Variants in TBC1D5 observed in about 807,000 individuals in gnomAD.
The protein encoded by TBC1D5 is TBC1 domain family, member 5.
A neutral mutation model predicts 100.3 loss-of-function variants in TBC1D5; 75 were observed. That is an observed-to-expected ratio of 0.75 (90% confidence interval 0.62 to 0.91). TBC1D5 has a LOEUF of 0.91. Ranked by LOEUF, TBC1D5 falls within the 40% of genes least tolerant of loss-of-function variation. TBC1D5 has a pLI of 0.00. For missense variants in TBC1D5, 910 were observed against 942.4 expected (o/e 0.97, Z 0.45); for synonymous variants, 323 against 325.6 (o/e 0.99, Z 0.09).
chr3:17,284,746 T>A (rs565275450), intron 15 of TBC1D5, among the ~76,000 whole-genome samples: 1 of 152,332 alleles, frequency 6.6e-6, no homozygotes, highest in East Asian at 1.9e-4. Context: ...TATTATTCCT[T>A]ACAAATCTTT....
At chr3:17,464,854 GT>G (rs1353223543) in intron 3 of TBC1D5, among the ~76,000 whole-genome samples, 1 of 149,162 alleles carries the variant, frequency 6.7e-6, no homozygotes, top group Non-Finnish European at 1.5e-5. Flanking sequence ...ATTTCAAAAA[GT>G]TTTTTTCAAG....
At chr3:17,407,914 C>T (rs536229549) in intron 4 of TBC1D5, among the ~76,000 whole-genome samples, 1 of 152,222 alleles carries the variant, frequency 6.6e-6, no homozygotes, top group Admixed American at 6.6e-5. Flanking sequence ...TTTAAAAAAT[C>T]TGGCTTTACT....
At chr3:17,652,172 C>G (rs1273148047) in intron 1 of TBC1D5, among the ~76,000 whole-genome samples, 4 of 152,074 alleles carry the variant, frequency 2.6e-5, no homozygotes, top group Non-Finnish European at 4.4e-5. Context: ...TTAAGAACAG[C>G]CTTTATAGAC....
intron 18 of TBC1D5, among the ~76,000 whole-genome samples, chr3:17,212,797 A>G (rs1400773103): frequency 3.9e-5 from 6 of 152,144 alleles, no homozygotes; most frequent in African/African-American, 1.4e-4. Flanking sequence ...ATTTTTGTAC[A>G]TCTATCAAAT....
chr3:17,719,737 T>C (rs748300333), intron 1 of TBC1D5, among the ~76,000 whole-genome samples: 44 of 152,212 alleles, frequency 2.9e-4, no homozygotes, highest in Non-Finnish European at 3.4e-4. Context: ...AAACTTAACC[T>C]ATAATTTTTC....
At chr3:17,172,902 A>AG (rs2067308849) in intron 19 of TBC1D5, among the ~76,000 whole-genome samples, 1 of 152,232 alleles carries the variant, frequency 6.6e-6, no homozygotes, top group African/African-American at 2.4e-5. Flanking sequence ...AGGGGACAAA[A>AG]GCAGAACATC....
chr3:17,290,071 C>A (rs989395665), intron 15 of TBC1D5, among the ~76,000 whole-genome samples: 1 of 152,110 alleles, frequency 6.6e-6, no homozygotes, highest in African/African-American at 2.4e-5. Flanking sequence ...AAATATGACT[C>A]CCTCATCATG....
chr3:17,507,428 T>C (rs1240836406), intron 3 of TBC1D5, among the ~76,000 whole-genome samples: 1 of 152,148 alleles, frequency 6.6e-6, no homozygotes, highest in Non-Finnish European at 1.5e-5. Flanking sequence ...AACAATGGCA[T>C]TTGTATGTAG....
At chr3:17,463,574 TA>T (rs2095251204) in intron 3 of TBC1D5, among the ~76,000 whole-genome samples, 1 of 152,178 alleles carries the variant, frequency 6.6e-6, no homozygotes, top group Non-Finnish European at 1.5e-5. Flanking sequence ...GTAATTAACA[TA>T]AAAATACTTA....
chr3:17,664,536 C>G (rs1405597498), intron 1 of TBC1D5, among the ~76,000 whole-genome samples: 1 of 152,112 alleles, frequency 6.6e-6, no homozygotes, highest in African/African-American at 2.4e-5. Context: ...GGTATGGATA[C>G]AAATTCTTTT....
chr3:17,735,355 C>T (rs2076882790), intron 1 of TBC1D5, among the ~76,000 whole-genome samples: 3 of 152,066 alleles, frequency 2.0e-5, no homozygotes, highest in Non-Finnish European at 4.4e-5. Flanking sequence ...TGAGTAATAT[C>T]GTATTAGGTG....
In TBC1D5 at chr3:17,476,471, T is replaced by C. The variant is rs564623826; in HGVS notation, c.97+32003A>G. Among the ~76,000 whole-genome samples the C allele has an allele frequency of 6.6e-4, 100 of 152,144 alleles. 1 individual carries two copies. In the South Asian group the frequency reaches 0.021, roughly 31 times the overall value. On this transcript the variant is annotated intron_variant, in intron 3 of 21. Coordinates refer to ENST00000253692, the Ensembl canonical transcript of TBC1D5. ...TTTCATGTAAGTTTGAGTCTATCTG[T>C]CTATCTGTTCTTCCCACTAGTCTAT...
chr3:17,398,485 A>T (rs566966318), intron 8 of TBC1D5, among the ~76,000 whole-genome samples: 9 of 152,254 alleles, frequency 5.9e-5, no homozygotes, highest in Non-Finnish European at 1.3e-4. Flanking sequence ...TTATTTTTTG[A>T]AGTGTGCTTA....
At chr3:17,547,668 A>G (rs2096431984) in intron 2 of TBC1D5, among the ~76,000 whole-genome samples, 1 of 152,224 alleles carries the variant, frequency 6.6e-6, no homozygotes, top group Admixed American at 6.5e-5. Context: ...TGAAAAATCA[A>G]AAGCCAATGG....
At chr3:17,202,919 G>C (rs552370565) in intron 18 of TBC1D5, among the ~76,000 whole-genome samples, 1 of 152,238 alleles carries the variant, frequency 6.6e-6, no homozygotes, top group African/African-American at 2.4e-5. Context: ...AGTGCAGAGG[G>C]GAAATGTGGG....
At chr3:17,607,420 A>C (rs1019871233) in intron 2 of TBC1D5, among the ~76,000 whole-genome samples, 6 of 152,150 alleles carry the variant, frequency 3.9e-5, no homozygotes, top group Admixed American at 6.5e-5. Context: ...CCAAATTATC[A>C]ATCTTTCTGT....
chr3:17,418,585 G>A (rs1281897480), intron 4 of TBC1D5, among the ~76,000 whole-genome samples: 1 of 151,346 alleles, frequency 6.6e-6, no homozygotes, highest in Non-Finnish European at 1.5e-5. Flanking sequence ...AAGCAACAGA[G>A]TAAGACCCCA....
chr3:17,193,984 A>G (rs2070318628), intron 18 of TBC1D5, among the ~76,000 whole-genome samples: 1 of 152,318 alleles, frequency 6.6e-6, no homozygotes, highest in Middle Eastern at 3.4e-3. Flanking sequence ...AATGTTATTA[A>G]TATCAATTTT....
In TBC1D5 at chr3:17,341,267, G is replaced by A. The variant is rs9849368; in HGVS notation, c.995+30808C>T. ...GCTGGAGTGCAGTGGCATGATCTCC[G>A]CTCACTGCAAGCTCTGCCTCCTGGG... is the stretch of plus-strand genomic sequence containing the variant. On this transcript the variant is annotated intron_variant, in intron 13 of 21. Transcript: ENST00000253692. 1.2e-3 allele frequency among the ~76,000 whole-genome samples: 185 copies of A among 152,002 alleles called. 1 individual carries two copies. Among genetic ancestry groups the A allele is most frequent in the African/African-American group, 3.9e-3 (162 of 41,470 alleles).
Sources: allele counts gnomAD v4.1 joint callset (sites outside exome capture counted in the v4.1 genomes callset), GRCh38; gene constraint gnomAD v4.1.1; transcripts MANE v1.5; gene names NCBI Gene and HGNC (gene_info 2026-07-23, HGNC 2026-07-21).